Variants in CACNA1A observed in about 807,000 individuals in gnomAD.
The protein encoded by CACNA1A is voltage-dependent P/Q-type calcium channel subunit alpha-1A.
Under a neutral mutation model 262.4 loss-of-function variants are expected in CACNA1A, and 57 were observed. The observed-to-expected ratio is 0.22, with a 90% confidence interval of 0.18 to 0.27. The LOEUF is 0.27. CACNA1A is among the 10% of genes least tolerant of loss of function. The pLI is 1.00. For synonymous variants in CACNA1A, 1,431 were observed against 1,419.3 expected, an observed-to-expected ratio of 1.01 and a Z score of -0.18; for missense variants, 2,526 against 3,562.8, an observed-to-expected ratio of 0.71 and a Z score of 7.41.
intron 17 of CACNA1A, among the ~76,000 whole-genome samples, chr19:13,301,984 A>C (rs776717595): frequency 6.6e-6 from 1 of 151,978 alleles, no homozygotes; most frequent in Non-Finnish European, 1.5e-5. Flanking sequence ...AGGCTCCCCA[A>C]ATAATCTATA....
chr19:13,399,319 T>C (rs190054042), intron 3 of CACNA1A, among the ~76,000 whole-genome samples: 1 of 151,684 alleles, frequency 6.6e-6, no homozygotes, highest in African/African-American at 2.4e-5. Flanking sequence ...AAGAAAACGG[T>C]TAATGAGCAA....
rs1421697123 is a variant in CACNA1A at position 13,210,614 on chromosome 19, T to C, written c.6339+3A>G. 1 of 1,563,130 alleles carries C rather than the reference T, an allele frequency of 6.4e-7. No individual in the cohort carries two copies. The highest frequency in any genetic ancestry group is 8.7e-7 in the Non-Finnish European group (1 of 1,155,076). ...CTGGGCGCTGGGCAGGCGCGGTACA[T>C]ACACTGAGGTTATTCCCACGTGGCC... On this transcript the variant is annotated splice_donor_region_variant and intron_variant, in intron 44 of 46. Coordinates refer to ENST00000360228, the MANE Select transcript of CACNA1A (RefSeq NM_001127222.2).
intron 18 of CACNA1A, 60 bp from the exon 19 acceptor site, chr19:13,299,413 AC>A: frequency 7.0e-7 from 1 of 1,419,984 alleles, no homozygotes; most frequent in Non-Finnish European, 9.8e-7. Flanking sequence ...TGGATGGATG[AC>A]CCAGGCGAAC....
intron 4 of CACNA1A, among the ~76,000 whole-genome samples, chr19:13,369,276 C>T (rs556252630): frequency 1.3e-5 from 2 of 152,268 alleles, no homozygotes; most frequent in Admixed American, 1.3e-4. Context: ...GTCTCTACCT[C>T]CCATCCACAG....
intron 31 of CACNA1A, among the ~76,000 whole-genome samples, chr19:13,242,516 G>A (rs138413202): frequency 0.016 from 2,473 of 152,178 alleles, 67 homozygotes; most frequent in African/African-American, 0.056. Flanking sequence ...GGCTGGTCTC[G>A]AACTCCTGAC....
At chr19:13,478,926 C>A (rs542644850) in intron 1 of CACNA1A, among the ~76,000 whole-genome samples, 52 of 152,298 alleles carry the variant, frequency 3.4e-4, no homozygotes, top group African/African-American at 1.2e-3. Context: ...GTAATCCCAG[C>A]ACTTTGGAAG....
chr19:13,421,713 C>G (rs908394972), intron 3 of CACNA1A, among the ~76,000 whole-genome samples: 1 of 152,178 alleles, frequency 6.6e-6, no homozygotes, highest in African/African-American at 2.4e-5. Context: ...GGCCCCTCAT[C>G]AGACACCAAA....
chr19:13,216,094 C>G (rs1405641397), intron 38 of CACNA1A, among the ~76,000 whole-genome samples: 1 of 151,534 alleles, frequency 6.6e-6, no homozygotes, highest in Non-Finnish European at 1.5e-5. Context: ...CAGAGGAGGT[C>G]TTTTCCCCTT....
intron 38 of CACNA1A, among the ~76,000 whole-genome samples, chr19:13,223,846 T>TGGCACATTGAA (rs2055332685): frequency 6.6e-6 from 1 of 152,100 alleles, no homozygotes; most frequent in Non-Finnish European, 1.5e-5. Flanking sequence ...GACGGGTCTC[T>TGGCACATTGAA]GGCACATTGA....
Position 13,214,460 on chromosome 19 carries a change from G to T in CACNA1A, c.5839+41C>A, listed in dbSNP as rs755806752. 2 of 1,572,814 alleles carry T rather than the reference G, an allele frequency of 1.3e-6. No homozygotes were observed. The highest frequency in any genetic ancestry group is 1.4e-5 in the African/African-American group (1 of 74,062). On this transcript the variant is annotated intron_variant, in intron 39 of 46. Coordinates refer to ENST00000360228, the MANE Select transcript of CACNA1A (RefSeq NM_001127222.2). The surrounding 1 kb of genome is among the most constrained non-coding windows in gnomAD (Gnocchi z 4.1). Reference sequence around the variant, plus strand: ...CTCCCCTTTCCCTCCCCCTCCATCTGTCCTGGTGGATTGGATCCCAGGGCT... The same window carrying T: ...CTCCCCTTTCCCTCCCCCTCCATCTTTCCTGGTGGATTGGATCCCAGGGCT...
At chr19:13,498,165 A>G (rs938732647) in intron 1 of CACNA1A, among the ~76,000 whole-genome samples, 1 of 152,084 alleles carries the variant, frequency 6.6e-6, no homozygotes, top group Admixed American at 6.5e-5. Context: ...TCATGGAGAT[A>G]AAAGAACGTG....
chr19:13,282,130 T>C (rs541886727), intron 22 of CACNA1A, among the ~76,000 whole-genome samples: 30 of 152,306 alleles, frequency 2.0e-4, no homozygotes, highest in African/African-American at 6.3e-4. Context: ...GTTCTAATTA[T>C]TTCCTTCCAT....
chr19:13,277,437 G>C, intron 22 of CACNA1A: 1 of 248,442 alleles, frequency 4.0e-6, no homozygotes, highest in African/African-American at 2.2e-5. Flanking sequence ...AAGCCCTGTA[G>C]TGGATTAGAA....
chr19:13,393,520 C>CCTTG (rs2059747894), intron 3 of CACNA1A, among the ~76,000 whole-genome samples: 1 of 146,854 alleles, frequency 6.8e-6, no homozygotes, highest in Middle Eastern at 3.5e-3. Context: ...TTCCTTCCTT[C>CCTTG]CCTCCCTCCT....
At chr19:13,413,628 C>A (rs2060156779) in intron 3 of CACNA1A, among the ~76,000 whole-genome samples, 1 of 144,902 alleles carries the variant, frequency 6.9e-6, no homozygotes, top group Non-Finnish European at 1.5e-5. Context: ...CTGTTAATCC[C>A]AACACTTTGG....
chr19:13,334,064 C>T (rs544691064), intron 8 of CACNA1A: 70 of 282,232 alleles, frequency 2.5e-4, no homozygotes, highest in African/African-American at 1.4e-3. Flanking sequence ...GCACTACCAT[C>T]GCCTCCATGT....
chr19:13,422,594 T>C (rs1397100127), intron 3 of CACNA1A, among the ~76,000 whole-genome samples: 1 of 152,242 alleles, frequency 6.6e-6, no homozygotes. Flanking sequence ...CTTTGGGCCA[T>C]GCCTGGTAGC....
At chr19:13,376,779 AAT>A (rs1052869308) in intron 3 of CACNA1A, among the ~76,000 whole-genome samples, 15 of 111,944 alleles carry the variant, frequency 1.3e-4, no homozygotes, top group Middle Eastern at 4.7e-3. Flanking sequence ...TATAACACAT[AAT>A]ATATGTGACA....
intron 17 of CACNA1A, among the ~76,000 whole-genome samples, 161 bp downstream of exon 17, chr19:13,303,385 G>T (rs1465304002): frequency 6.6e-6 from 1 of 152,014 alleles, no homozygotes; most frequent in Non-Finnish European, 1.5e-5. Flanking sequence ...TCTGGGAGTG[G>T]GGGGAGAGGC....
Sources: allele counts gnomAD v4.1 joint callset (sites outside exome capture counted in the v4.1 genomes callset), GRCh38; gene constraint gnomAD v4.1.1; non-coding constraint Gnocchi (gnomAD v3.1); transcripts MANE v1.5; gene names NCBI Gene and HGNC (gene_info 2026-07-23, HGNC 2026-07-21).